PPP2R2D: variants seen among roughly 807,000 people sequenced by gnomAD.
PPP2R2D encodes protein phosphatase 2 regulatory subunit Bdelta.
In PPP2R2D, 9 loss-of-function variants were observed where a neutral mutation model predicts 31.1. That is an observed-to-expected ratio of 0.29 (90% CI 0.17 to 0.51). The LOEUF is 0.51. Among genes scored for constraint, PPP2R2D ranks in the 20% least tolerant of loss-of-function variants. The pLI is 0.98. For synonymous variants in PPP2R2D, 179 were observed against 172.6 expected (o/e 1.04, Z -0.29); for missense variants, 391 against 465.6 (o/e 0.84, Z 1.48).
At chr10:131,930,147 C>G (rs2036193107) in intron 2 of PPP2R2D, among the ~76,000 whole-genome samples, 1 of 152,216 alleles carries the variant, frequency 6.6e-6, no homozygotes, top group Non-Finnish European at 1.5e-5. Flanking sequence ...TTTTCTTTTT[C>G]ACACAAGTTT....
intron 3 of PPP2R2D, among the ~76,000 whole-genome samples, chr10:131,938,645 C>G (rs2036386982): frequency 6.6e-6 from 1 of 152,220 alleles, no homozygotes; most frequent in East Asian, 1.9e-4. Context: ...CTGTAACAGA[C>G]TTGTTCTGTA....
intron 2 of PPP2R2D, among the ~76,000 whole-genome samples, chr10:131,931,193 T>A (rs2036217877): frequency 6.6e-6 from 1 of 152,168 alleles, no homozygotes; most frequent in Non-Finnish European, 1.5e-5. Context: ...GCTACGTTAG[T>A]ACAGGGCTTG....
chr10:131,962,338 G>C (rs188199794), downstream of PPP2R2D, among the ~76,000 whole-genome samples: 1 of 152,070 alleles, frequency 6.6e-6, no homozygotes, highest in Non-Finnish European at 1.5e-5. Context: ...AGCTCCACGC[G>C]GTCACCTTCA....
the PPP2R2D span, chr10:131,968,094 A>G: frequency 6.4e-6 from 1 of 156,306 alleles, no homozygotes; most frequent in Non-Finnish European, 1.4e-5. Flanking sequence ...ATAAGGCCAC[A>G]ATATTTATTT....
the PPP2R2D span, chr10:131,970,561 G>A: frequency 6.5e-7 from 1 of 1,533,620 alleles, no homozygotes; most frequent in East Asian, 2.3e-5. This position sits in a 1 kb window ranked among gnomAD's most constrained non-coding sequence, Gnocchi z 4.1. Context: ...TCAGGAAACA[G>A]GTTACGAATA....
chr10:131,934,004 G>T (rs1319260359), intron 2 of PPP2R2D, among the ~76,000 whole-genome samples: 2 of 152,092 alleles, frequency 1.3e-5, no homozygotes, highest in African/African-American at 2.4e-5. Context: ...GCCAACAAAA[G>T]TTATTGCATA....
intron 2 of PPP2R2D, among the ~76,000 whole-genome samples, chr10:131,907,766 C>G (rs955642317): frequency 5.9e-5 from 9 of 151,848 alleles, no homozygotes; most frequent in African/African-American, 2.2e-4. Context: ...AAAAGATTCA[C>G]AGACTCATCA....
intron 8 of PPP2R2D, among the ~76,000 whole-genome samples, chr10:131,950,645 G>A (rs1554898678): frequency 6.6e-6 from 1 of 152,206 alleles, no homozygotes; most frequent in African/African-American, 2.4e-5. Context: ...GAGCTGTAAA[G>A]GGAGCCTGGC....
At chr10:131,902,067 C>T (rs1729328372) in intron 2 of PPP2R2D, among the ~76,000 whole-genome samples, 1 of 152,086 alleles carries the variant, frequency 6.6e-6, no homozygotes, top group Admixed American at 6.5e-5. Context: ...CTGGGAAGTG[C>T]CTCCCACCCC....
intron 2 of PPP2R2D, among the ~76,000 whole-genome samples, chr10:131,914,073 C>T (rs920189306): frequency 1.9e-4 from 29 of 152,148 alleles, no homozygotes; most frequent in Non-Finnish European, 1.0e-4. Context: ...AGCAGGTTTG[C>T]TGATAATTAG....
intron 3 of PPP2R2D, among the ~76,000 whole-genome samples, chr10:131,939,563 G>A (rs1281518670): frequency 7.0e-6 from 1 of 142,500 alleles, no homozygotes; most frequent in African/African-American, 2.7e-5. Context: ...ACGGCAGGCT[G>A]TATTTGGCAG....
At chr10:131,943,342 G>A (rs541226371) in intron 5 of PPP2R2D, among the ~76,000 whole-genome samples, 27 of 152,304 alleles carry the variant, frequency 1.8e-4, no homozygotes, top group African/African-American at 5.8e-4. Flanking sequence ...CAAGTGAAGT[G>A]TAATATATAA....
chr10:131,947,724 C>G lies in PPP2R2D; in HGVS notation c.1015C>G (p.Leu339Val). Residue 339 changes from leucine (L) to valine (V), a missense_variant, in exon 8 of 9, where the codon CTC (leucine) becomes GTC (valine). Leu to Val is a conservative substitution (Grantham distance 32). Transcript: ENST00000455566. The surrounding 1 kb of genome is among the most constrained non-coding windows in gnomAD (Gnocchi z 4.3). ...GGTCCACGAGTACCTGCGCAGCAAG[C>G]TCTGCTCTCTCTATGAGAACGACTG... ...HQVHEYLRSK[L>V]CSLYENDCIF... is the part of the protein sequence containing the mutation. 2 of 1,614,234 alleles carry G rather than the reference C, an allele frequency of 1.2e-6. No homozygotes were observed. Among genetic ancestry groups the G allele is most frequent in the Non-Finnish European group, 1.7e-6 (2 of 1,180,050 alleles).
chr10:131,902,977 C>T (rs2035525573), intron 2 of PPP2R2D, among the ~76,000 whole-genome samples: 3 of 152,048 alleles, frequency 2.0e-5, no homozygotes, highest in Admixed American at 2.0e-4. Context: ...GTCTTGAACT[C>T]CTGGGCTCAA....
At chr10:131,962,047 C>T (rs779940015), downstream of PPP2R2D, among the ~76,000 whole-genome samples, 10 of 152,306 alleles carry the variant, frequency 6.6e-5, no homozygotes, top group Non-Finnish European at 1.2e-4. Context: ...CACCGGTGCC[C>T]GGGACTCTGC....
chr10:131,902,262 C>T (rs2035512310), intron 2 of PPP2R2D, among the ~76,000 whole-genome samples: 2 of 152,188 alleles, frequency 1.3e-5, no homozygotes, highest in Non-Finnish European at 2.9e-5. Context: ...TTAACCTTTT[C>T]TTAAAAATGA....
the PPP2R2D span, chr10:131,970,649 G>C: frequency 1.2e-6 from 2 of 1,613,976 alleles, no homozygotes; most frequent in African/African-American, 2.7e-5. This position sits in a 1 kb window ranked among gnomAD's most constrained non-coding sequence, Gnocchi z 4.1. Flanking sequence ...CCAATCCGAT[G>C]GCCAGCAAAT....
At chr10:131,910,985 G>A (rs925254079) in intron 2 of PPP2R2D, among the ~76,000 whole-genome samples, 7 of 152,108 alleles carry the variant, frequency 4.6e-5, no homozygotes, top group Admixed American at 1.3e-4. Flanking sequence ...CCCGTCCCTC[G>A]CCCTGTGCAT....
At chr10:131,936,297 C>T (rs1255248206) in intron 3 of PPP2R2D, among the ~76,000 whole-genome samples, 2 of 149,212 alleles carry the variant, frequency 1.3e-5, no homozygotes, top group African/African-American at 4.9e-5. Flanking sequence ...TACAGGCATG[C>T]ACCACCACGA....
Sources: allele counts gnomAD v4.1 joint callset (sites outside exome capture counted in the v4.1 genomes callset), GRCh38; gene constraint gnomAD v4.1.1; non-coding constraint Gnocchi (gnomAD v3.1); transcripts MANE v1.5; gene names NCBI Gene and HGNC (gene_info 2026-07-23, HGNC 2026-07-21).